Variants in DLG2 observed in about 807,000 individuals in gnomAD.
DLG2 encodes discs large MAGUK scaffold protein 2, also known as disks large homolog 2.
Under a neutral mutation model 132.5 loss-of-function variants are expected in DLG2, and 45 were observed. That is an observed-to-expected ratio of 0.34 (90% confidence interval 0.27 to 0.44). The LOEUF (loss-of-function observed/expected upper bound fraction) is 0.44. Among genes scored for constraint, DLG2 ranks in the 20% least tolerant of loss-of-function variants. The pLI, the probability that DLG2 is intolerant of heterozygous loss-of-function variation, is 1.00. For synonymous variants in DLG2, 424 were observed against 419.6 expected (o/e 1.01, Z -0.13); for missense variants, 1,045 against 1,196.9 (o/e 0.87, Z 1.87).
At chr11:83,783,861 A>AAT (rs1313830223) in intron 18 of DLG2, among the ~76,000 whole-genome samples, 2 of 152,144 alleles carry the variant, frequency 1.3e-5, no homozygotes, top group East Asian at 1.9e-4. Flanking sequence ...AATTCCTAGA[A>AAT]ATACTGCTGC....
chr11:85,176,216 C>A (rs1042286254), intron 4 of DLG2, among the ~76,000 whole-genome samples: 5 of 152,126 alleles, frequency 3.3e-5, no homozygotes, highest in Admixed American at 3.3e-4. Context: ...TCAAACTATA[C>A]TACAGGGCTA....
Position 84,596,190 on chromosome 11 carries a change from G to GTCTCTCTCTC in DLG2, c.358-61469_358-61460dup, listed in dbSNP as rs59824224. 7.2e-4 allele frequency among the ~76,000 whole-genome samples: 104 copies of GTCTCTCTCTC among 144,828 alleles called. 1 individual carries two copies. Among genetic ancestry groups the GTCTCTCTCTC allele is most frequent in the African/African-American group, 2.1e-3 (83 of 39,060 alleles). On this transcript the variant is annotated intron_variant, in intron 6 of 27. Coordinates refer to ENST00000376104, the MANE Select transcript of DLG2 (RefSeq NM_001142699.3). The stretch of plus-strand genomic sequence containing the variant: ...TGAAATTTCTTTCCTTCTTTTCTCT[G>GTCTCTCTCTC]TCTCTCTCTCTCTCTCTCTCTCTCT...
At chr11:84,174,014 C>CTTTTTTTTTTTTTTTTTTTTTTTTTTTTT (rs11338428) in intron 8 of DLG2, among the ~76,000 whole-genome samples, 3 of 61,218 alleles carry the variant, frequency 4.9e-5, no homozygotes, top group Admixed American at 2.6e-4. Context: ...ACCCCCCGGC[C>CTTTTTTTTTTTTTTTTTTTTTTTTTTTTT]TTTTTTTTTT....
intron 19 of DLG2, among the ~76,000 whole-genome samples, chr11:83,617,296 C>G (rs1329571196): frequency 6.6e-6 from 1 of 152,172 alleles, no homozygotes; most frequent in Non-Finnish European, 1.5e-5. Context: ...ATAAGGTATA[C>G]CCCACATTTA....
chr11:83,886,751 T>A (rs2068021453), intron 15 of DLG2, among the ~76,000 whole-genome samples: 1 of 152,156 alleles, frequency 6.6e-6, no homozygotes, highest in Non-Finnish European at 1.5e-5. Flanking sequence ...AAACTGTCTC[T>A]CAGACCACAG....
intron 6 of DLG2, among the ~76,000 whole-genome samples, chr11:84,969,833 CAGCCATAAAAAAG>C (rs2053823824): frequency 6.6e-6 from 1 of 152,114 alleles, no homozygotes; most frequent in Admixed American, 6.5e-5. Flanking sequence ...GAATACTATG[CAGCCATAAAAAAG>C]ATGAGTTCAT....
At chr11:84,257,443 G>A (rs1218380730) in intron 7 of DLG2, among the ~76,000 whole-genome samples, 3 of 152,124 alleles carry the variant, frequency 2.0e-5, no homozygotes, top group African/African-American at 4.8e-5. Context: ...AATAATAAGT[G>A]TATGTACTTA....
intron 4 of DLG2, among the ~76,000 whole-genome samples, chr11:85,258,009 T>C (rs1175823245): frequency 1.3e-5 from 2 of 152,170 alleles, no homozygotes; most frequent in Non-Finnish European, 2.9e-5. Context: ...ACACTTTTAC[T>C]CTAAGGACTC....
chr11:84,574,714 T>C (rs183721381), intron 6 of DLG2, among the ~76,000 whole-genome samples: 25 of 152,296 alleles, frequency 1.6e-4, no homozygotes, highest in Non-Finnish European at 2.9e-4. Flanking sequence ...TTCTGACCAT[T>C]GATCATCATC....
At chr11:83,652,847 C>T (rs749006016) in intron 18 of DLG2, among the ~76,000 whole-genome samples, 3 of 152,148 alleles carry the variant, frequency 2.0e-5, no homozygotes, top group Admixed American at 6.5e-5. Context: ...TTTCCTTATT[C>T]GACCCTTTTT....
intron 6 of DLG2, among the ~76,000 whole-genome samples, chr11:84,783,853 C>T (rs11234179): frequency 0.27 from 40,645 of 151,604 alleles, 5,919 homozygotes; most frequent in Admixed American, 0.31. Flanking sequence ...TATTATTTAG[C>T]TCAGTAAACA....
intron 6 of DLG2, among the ~76,000 whole-genome samples, chr11:84,554,865 T>C (rs760140415): frequency 1.3e-5 from 2 of 152,172 alleles, no homozygotes; most frequent in Admixed American, 1.3e-4. Flanking sequence ...CAATGACATA[T>C]TAACTGAAGT....
At chr11:85,426,804 A>C (rs1391100913) in intron 3 of DLG2, among the ~76,000 whole-genome samples, 3 of 152,252 alleles carry the variant, frequency 2.0e-5, no homozygotes, top group Admixed American at 1.3e-4. Flanking sequence ...TGAGAGAAGA[A>C]GGCTTCAGAT....
At chr11:85,400,939 TAA>T (rs948387073) in intron 3 of DLG2, among the ~76,000 whole-genome samples, 3 of 125,270 alleles carry the variant, frequency 2.4e-5, no homozygotes, top group South Asian at 2.5e-4. Flanking sequence ...TAATAATAAT[TAA>T]AAAAAAAAAA....
At chr11:85,424,743 G>A (rs1349737874) in intron 3 of DLG2, among the ~76,000 whole-genome samples, 1 of 152,090 alleles carries the variant, frequency 6.6e-6, no homozygotes, top group Non-Finnish European at 1.5e-5. Context: ...TTCAAACTCT[G>A]ATTTTTTTTA....
Position 83,881,040 on chromosome 11 carries a change from A to ATT in DLG2, c.1497-6554_1497-6553dup, listed in dbSNP as rs368315991. Among the ~76,000 whole-genome samples, 9 of 78,066 alleles carry ATT rather than the reference A, an allele frequency of 1.2e-4. No individual in the cohort carries two copies. The East Asian group carries it at 3.4e-3, about 30-fold the overall frequency. 51.2% of individuals were successfully genotyped at this position (78,066 alleles called of 152,430 possible). On this transcript the variant is annotated intron_variant, in intron 15 of 27. Coordinates refer to ENST00000376104, the MANE Select transcript of DLG2 (RefSeq NM_001142699.3). ...TGCAAAAGTAATAGTGGTTTTTTCC[A>ATT]TTTTTTTAAAAAAAATGATAAAAAC...
chr11:85,542,802 C>T lies in DLG2; in HGVS notation c.40+55855G>A, dbSNP rs542675413. Among the ~76,000 whole-genome samples, 6 of 152,236 alleles carry T rather than the reference C, an allele frequency of 3.9e-5. No individual in the cohort carries two copies. In the South Asian group the frequency reaches 1.2e-3, roughly 32 times the overall value. ...ATGTTTCAAAAAGTAAAAGTCAGTC[C>T]TAGCCCAAGGGCATTTATTTAAAAA... On this transcript the variant is annotated intron_variant, in intron 3 of 27. Transcript: ENST00000376104.
At chr11:83,937,462 T>G (rs2081721687) in intron 14 of DLG2, among the ~76,000 whole-genome samples, 1 of 146,868 alleles carries the variant, frequency 6.8e-6, no homozygotes, top group Non-Finnish European at 1.5e-5. Flanking sequence ...GAGCCGAGAT[T>G]GTGCCACCGC....
intron 6 of DLG2, among the ~76,000 whole-genome samples, chr11:84,667,189 A>G (rs1365674238): frequency 2.0e-5 from 3 of 152,186 alleles, no homozygotes; most frequent in African/African-American, 7.2e-5. Flanking sequence ...TCTAAATTCT[A>G]ACACCATTCG....
Sources: gnomAD v4.1 joint callset for allele counts (sites outside exome capture counted in the v4.1 genomes callset) on GRCh38, gnomAD v4.1.1 for gene constraint, MANE v1.5 for transcripts, NCBI Gene and HGNC (gene_info 2026-07-23, HGNC 2026-07-21) for gene names.